IPCEF1: variants seen among roughly 807,000 people sequenced by gnomAD.
IPCEF1 encodes interactor protein for cytohesin exchange factors 1.
IPCEF1 carries 31 observed loss-of-function variants against 50.9 expected under a neutral mutation model. The ratio of observed to expected loss-of-function variants is 0.61; its 90% CI spans 0.46 to 0.82. The LOEUF (loss-of-function observed/expected upper bound fraction) is 0.82. IPCEF1 is among the 40% of genes least tolerant of loss of function. The pLI, the probability that IPCEF1 is intolerant of heterozygous loss-of-function variation, is 0.00. For missense variants in IPCEF1, 458 were observed against 514.0 expected (o/e 0.89, Z 1.05); for synonymous variants, 181 against 192.0 (o/e 0.94, Z 0.47).
intron 5 of IPCEF1, among the ~76,000 whole-genome samples, chr6:154,232,307 C>T (rs760054551): frequency 2.6e-5 from 4 of 152,206 alleles, no homozygotes; most frequent in Middle Eastern, 3.2e-3. Flanking sequence ...ATATCAGAAG[C>T]AGGCCTGGTA....
intron 1 of IPCEF1, among the ~76,000 whole-genome samples, chr6:154,354,060 T>G (rs1784162202): frequency 6.6e-6 from 1 of 152,196 alleles, no homozygotes; most frequent in South Asian, 2.1e-4. Flanking sequence ...AAAACTGATA[T>G]CGATAACTGC....
chr6:154,203,199 C>T (rs1562539122), intron 9 of IPCEF1, among the ~76,000 whole-genome samples: 2 of 152,166 alleles, frequency 1.3e-5, no homozygotes, highest in African/African-American at 4.8e-5. Flanking sequence ...AAGCAGAAGG[C>T]AGTGCTAGTC....
At chr6:154,298,743 C>G (rs1562584622) in intron 1 of IPCEF1, among the ~76,000 whole-genome samples, 1 of 152,162 alleles carries the variant, frequency 6.6e-6, no homozygotes, top group Non-Finnish European at 1.5e-5. Context: ...GCGGATGGAT[C>G]ACCTGAGGTC....
At chr6:154,264,976 C>A (rs1781717151) in intron 3 of IPCEF1, among the ~76,000 whole-genome samples, 1 of 152,162 alleles carries the variant, frequency 6.6e-6, no homozygotes, top group African/African-American at 2.4e-5. Flanking sequence ...GAAGTCTATA[C>A]TTTAGCCTCC....
At chr6:154,333,416 T>A (rs1375859308) in intron 1 of IPCEF1, among the ~76,000 whole-genome samples, 1 of 151,956 alleles carries the variant, frequency 6.6e-6, no homozygotes, top group African/African-American at 2.4e-5. Context: ...GCTGGATGCT[T>A]CCTGCCCCTG....
At position 154,164,207 on chromosome 6, in the gene IPCEF1, G is replaced by T. The variant is rs1799245468; in HGVS notation, c.1104+3713C>A. Among the ~76,000 whole-genome samples the T allele has an allele frequency of 2.6e-5, 4 of 152,226 alleles. No individual in the cohort carries two copies. In the South Asian group the frequency reaches 6.2e-4, roughly 24 times the overall value. ...TCTTTGAAAATTAATAAAAATTGGG[G>T]AAACTGACTTTGCATACATGAATTA... On this transcript the variant is annotated intron_variant, in intron 11 of 11. Transcript: ENST00000367220.
At chr6:154,268,284 G>A (rs1562573055) in intron 2 of IPCEF1, among the ~76,000 whole-genome samples, 1 of 152,224 alleles carries the variant, frequency 6.6e-6, no homozygotes, top group East Asian at 1.9e-4. Flanking sequence ...GAGTCTGGGG[G>A]TGGGGTAGGT....
chr6:154,166,986 T>C lies in IPCEF1; in HGVS notation c.1104+934A>G, dbSNP rs367790871. Among the ~76,000 whole-genome samples the C allele has an allele frequency of 4.6e-5, 7 of 152,226 alleles. No homozygotes were observed. In the East Asian group the frequency reaches 9.6e-4, roughly 21 times the overall value. On this transcript the variant is annotated intron_variant, in intron 11 of 11. Coordinates refer to ENST00000367220, the MANE Select transcript of IPCEF1 (RefSeq NM_001130700.2). ...TTTTTCCATTCTGGCCTCATTTTTG[T>C]AGCCTTTTAGGGTGTTCAGATGTTC...
chr6:154,182,672 T>C (rs1228866001), intron 10 of IPCEF1, among the ~76,000 whole-genome samples: 4 of 152,138 alleles, frequency 2.6e-5, no homozygotes, highest in African/African-American at 9.7e-5. Context: ...ATCAGTTGAA[T>C]GAGAACAAAA....
chr6:154,344,356 C>G (rs1335732399), intron 1 of IPCEF1, among the ~76,000 whole-genome samples: 1 of 152,174 alleles, frequency 6.6e-6, no homozygotes, highest in East Asian at 1.9e-4. Context: ...TGGTTTTGTG[C>G]TTTTCTTCCA....
At chr6:154,267,960 G>A (rs1781800425) in intron 2 of IPCEF1, among the ~76,000 whole-genome samples, 1 of 152,218 alleles carries the variant, frequency 6.6e-6, no homozygotes, top group African/African-American at 2.4e-5. Flanking sequence ...CACACAGATT[G>A]GTCCATGGGT....
chr6:154,308,907 T>C (rs1426052706), intron 1 of IPCEF1, among the ~76,000 whole-genome samples: 1 of 152,248 alleles, frequency 6.6e-6, no homozygotes, highest in Non-Finnish European at 1.5e-5. Context: ...GTGTGACATC[T>C]GCAACTCAGG....
intron 1 of IPCEF1, among the ~76,000 whole-genome samples, chr6:154,323,881 A>G (rs1211517877): frequency 6.6e-6 from 1 of 152,230 alleles, no homozygotes; most frequent in Non-Finnish European, 1.5e-5. Flanking sequence ...TGAATCCAGG[A>G]GGCAGAGGTT....
At chr6:154,221,427 C>T in intron 6 of IPCEF1, 99 bp from the exon 7 acceptor site, 1 of 883,480 alleles carries the variant, frequency 1.1e-6, no homozygotes, top group Non-Finnish European at 1.8e-6. Context: ...GTAAACTTGT[C>T]TGCTTTCTTT....
intron 2 of IPCEF1, among the ~76,000 whole-genome samples, chr6:154,288,246 AAT>A (rs1782411958): frequency 6.6e-6 from 1 of 152,252 alleles, no homozygotes; most frequent in African/African-American, 2.4e-5. Flanking sequence ...TACTGAGGAC[AAT>A]AGTGATTATT....
intron 10 of IPCEF1, among the ~76,000 whole-genome samples, chr6:154,176,683 T>C (rs1800361184): frequency 6.6e-6 from 1 of 152,102 alleles, no homozygotes; most frequent in Admixed American, 6.5e-5. Flanking sequence ...CACAAACAAA[T>C]AGAAGAACAT....
At chr6:154,330,139 A>G (rs900309118) in intron 1 of IPCEF1, 2 of 152,112 alleles carry the variant, frequency 1.3e-5, no homozygotes, top group Non-Finnish European at 2.9e-5. Flanking sequence ...TATAAGGATA[A>G]TCTTCTCGGA....
chr6:154,226,651 C>T (rs908114514), intron 5 of IPCEF1, among the ~76,000 whole-genome samples: 2 of 152,158 alleles, frequency 1.3e-5, no homozygotes, highest in Non-Finnish European at 2.9e-5. Flanking sequence ...CTCTATAATT[C>T]TGCTGTTTCA....
chr6:154,215,050 T>C (rs1391175732), intron 7 of IPCEF1, among the ~76,000 whole-genome samples: 1 of 152,190 alleles, frequency 6.6e-6, no homozygotes, highest in Non-Finnish European at 1.5e-5. Flanking sequence ...TTTCTACTTA[T>C]TGGGAGGATC....
Sources: allele counts gnomAD v4.1 joint callset (sites outside exome capture counted in the v4.1 genomes callset), GRCh38; gene constraint gnomAD v4.1.1; transcripts MANE v1.5; gene names NCBI Gene and HGNC (gene_info 2026-07-23, HGNC 2026-07-21).